The following SSBP3 variants were observed in gnomAD, a reference collection of about 807,000 sequenced individuals.
The protein encoded by SSBP3 is single stranded DNA binding protein 3.
Under a neutral mutation model 69.6 loss-of-function variants are expected in SSBP3, and 5 were observed. The ratio of observed to expected loss-of-function variants is 0.07; its 90% CI spans 0.04 to 0.15. SSBP3 has a LOEUF of 0.15. SSBP3 is among the 10% of genes least tolerant of loss of function. The pLI is 1.00. For synonymous variants in SSBP3, 196 were observed against 193.4 expected, an observed-to-expected ratio of 1.01 and a Z score of -0.11; for missense variants, 312 against 534.0, an observed-to-expected ratio of 0.58 and a Z score of 4.10.
chr1:54,239,457 C>T (rs992195397), intron 13 of SSBP3, among the ~76,000 whole-genome samples: 1 of 152,196 alleles, frequency 6.6e-6, no homozygotes, highest in Non-Finnish European at 1.5e-5. Context: ...TGTCTCCCCA[C>T]CCCACACCGA....
At chr1:54,307,178 A>G (rs4413992) in intron 4 of SSBP3, among the ~76,000 whole-genome samples, 106,454 of 152,028 alleles carry the variant, frequency 0.7, 38,760 homozygotes, top group African/African-American at 0.9. Context: ...GGCCTCCTCT[A>G]AAGGAACCAG....
At chr1:54,226,908 G>T in exon 18 of SSBP3, 2 of 566,140 alleles carry the variant, frequency 3.5e-6, no homozygotes, top group African/African-American at 1.9e-5. Flanking sequence ...ATTTTTGAGA[G>T]TTTTGTCCTT....
At chr1:54,235,712 T>C (rs1218070121) in intron 14 of SSBP3, among the ~76,000 whole-genome samples, 1 of 151,882 alleles carries the variant, frequency 6.6e-6, no homozygotes, top group African/African-American at 2.4e-5. Context: ...CCTCCCAACG[T>C]GCTCGGATTA....
intron 15 of SSBP3, 111 bp from the exon 16 acceptor site, chr1:54,228,588 T>C (rs1009732177): frequency 3.3e-6 from 5 of 1,516,458 alleles, no homozygotes; most frequent in Non-Finnish European, 4.5e-6. Flanking sequence ...AGTCCCACAC[T>C]GTGCGGAGGG....
At chr1:54,262,522 T>C (rs1324124862) in intron 5 of SSBP3, among the ~76,000 whole-genome samples, 1 of 151,234 alleles carries the variant, frequency 6.6e-6, no homozygotes, top group Non-Finnish European at 1.5e-5. Flanking sequence ...CATGCTGGGG[T>C]CTGGAGGCAC....
At chr1:54,245,625 C>G (rs1471024058) in intron 9 of SSBP3, among the ~76,000 whole-genome samples, 1 of 152,198 alleles carries the variant, frequency 6.6e-6, no homozygotes, top group African/African-American at 2.4e-5. Flanking sequence ...AGGAGCAACA[C>G]CAGGCTGGCT....
chr1:54,272,293 C>A (rs755424513), intron 5 of SSBP3, among the ~76,000 whole-genome samples: 16 of 152,038 alleles, frequency 1.1e-4, no homozygotes, highest in South Asian at 2.1e-4. Flanking sequence ...GGCCTCTGAC[C>A]CCCAGGGCAG....
At chr1:54,407,784 G>C (rs1158725596), upstream of SSBP3, among the ~76,000 whole-genome samples, 9 of 115,760 alleles carry the variant, frequency 7.8e-5, no homozygotes, top group Non-Finnish European at 1.2e-4. Flanking sequence ...TTTTAACTGC[G>C]CTGTTCCAAT....
intron 4 of SSBP3, among the ~76,000 whole-genome samples, chr1:54,350,237 G>A (rs1569897172): frequency 6.6e-6 from 1 of 152,202 alleles, no homozygotes. Flanking sequence ...AGCCCCAACT[G>A]TGCCATCCAT....
intron 16 of SSBP3, 26 bp from the exon 17 acceptor site, chr1:54,228,382 C>T: frequency 6.2e-7 from 1 of 1,614,100 alleles, no homozygotes; most frequent in Non-Finnish European, 8.5e-7. Context: ...AGGAGGTGAG[C>T]ACCTGTGTCC....
At chr1:54,284,140 G>T (rs1473088813) in intron 4 of SSBP3, among the ~76,000 whole-genome samples, 1 of 121,340 alleles carries the variant, frequency 8.2e-6, no homozygotes, top group Admixed American at 9.8e-5. Context: ...AAGACACAGG[G>T]TCTTACTATG....
intron 4 of SSBP3, among the ~76,000 whole-genome samples, chr1:54,355,409 G>A (rs1325353828): frequency 1.3e-5 from 2 of 152,160 alleles, no homozygotes; most frequent in Non-Finnish European, 2.9e-5. Context: ...GAGTACAGTG[G>A]CACAATCTTG....
chr1:54,341,693 A>G (rs1361464664), intron 4 of SSBP3, among the ~76,000 whole-genome samples: 1 of 151,182 alleles, frequency 6.6e-6, no homozygotes, highest in African/African-American at 2.4e-5. Flanking sequence ...GTACCCTAAA[A>G]CTTAAAGTAT....
At chr1:54,356,942 C>G (rs4927095) in intron 4 of SSBP3, 18,861 of 152,320 alleles carry the variant, frequency 0.12, 1,745 homozygotes, top group South Asian at 0.38. Context: ...TAAAATCACA[C>G]AGACGCAGAG....
intron 4 of SSBP3, among the ~76,000 whole-genome samples, chr1:54,350,693 G>C (rs1463827525): frequency 6.6e-6 from 1 of 152,200 alleles, no homozygotes; most frequent in Non-Finnish European, 1.5e-5. Context: ...CTGGGAAGCT[G>C]AGCTGAATAA....
chr1:54,328,130 C>A (rs1047954031), intron 4 of SSBP3, among the ~76,000 whole-genome samples: 3 of 152,092 alleles, frequency 2.0e-5, no homozygotes, highest in Non-Finnish European at 4.4e-5. Flanking sequence ...GACCTCGTAC[C>A]CAGGCAGATC....
intron 14 of SSBP3, chr1:54,238,346 G>A (rs748222114): frequency 1.5e-5 from 7 of 470,552 alleles, no homozygotes; most frequent in Non-Finnish European, 3.1e-5. Context: ...TCTACAGTCT[G>A]TAGACCTCCT....
chr1:54,243,862 T>C lies in SSBP3; in HGVS notation c.652-563A>G, dbSNP rs184411950. 2.6e-3 allele frequency among the ~76,000 whole-genome samples: 395 copies of C among 152,290 alleles called. 1 individual carries two copies. Among genetic ancestry groups the C allele is most frequent in the African/African-American group, 8.7e-3 (360 of 41,550 alleles). On this transcript the variant is annotated intron_variant, in intron 9 of 17. Transcript: ENST00000610401. ...CAGCATCAGAGGCCCTCCACAGACA[T>C]GATGCTGGGAAGCCGGAGAAAACTC...
chr1:54,240,100 G>T (rs1373699113), intron 13 of SSBP3, among the ~76,000 whole-genome samples: 1 of 9,172 alleles, frequency 1.1e-4, no homozygotes, highest in African/African-American at 4.2e-4. Context: ...GCGCGCGCGC[G>T]TGTGCGTGCG....
Sources: allele counts gnomAD v4.1 joint callset (sites outside exome capture counted in the v4.1 genomes callset), GRCh38; gene constraint gnomAD v4.1.1; transcripts MANE v1.5; gene names NCBI Gene and HGNC (gene_info 2026-07-23, HGNC 2026-07-21).